MCF2L: variants seen among roughly 807,000 people sequenced by gnomAD.
MCF2L encodes the protein guanine nucleotide exchange factor DBS.
MCF2L carries 97 observed loss-of-function variants against 153.4 expected under a neutral mutation model. The ratio of observed to expected loss-of-function variants is 0.63; its 90% CI spans 0.54 to 0.75. The LOEUF (loss-of-function observed/expected upper bound fraction) is 0.75. Among genes scored for constraint, MCF2L ranks in the 30% least tolerant of loss-of-function variants. The pLI is 0.00. For synonymous variants in MCF2L, 659 were observed against 632.2 expected, an observed-to-expected ratio of 1.04 and a Z score of -0.64; for missense variants, 1,347 against 1,495.2, an observed-to-expected ratio of 0.90 and a Z score of 1.64.
chr13:113,063,732 G>A (rs1377245745), intron 5 of MCF2L: 9 of 414,784 alleles, frequency 2.2e-5, no homozygotes, highest in African/African-American at 6.1e-5. Flanking sequence ...CAGAGGTGCC[G>A]GGGCCACTGT....
intron 8 of MCF2L, 110 bp from the exon 9 acceptor site, chr13:113,069,949 G>T (rs2032716399): frequency 1.0e-5 from 7 of 668,936 alleles, no homozygotes; most frequent in Middle Eastern, 5.6e-4. Flanking sequence ...CAGGATCTCA[G>T]GAAGGCCCGG....
intron 2 of MCF2L, among the ~76,000 whole-genome samples, chr13:113,022,259 G>A (rs1001956834): frequency 3.3e-5 from 5 of 151,328 alleles, no homozygotes; most frequent in Admixed American, 6.6e-5. Context: ...TGTGTCCACC[G>A]TCCACTCCAA....
rs992449795 is a variant in MCF2L at position 112,993,026 on chromosome 13, A to G, written c.80-21737A>G. Among the ~76,000 whole-genome samples, 1 of 152,246 alleles carries G rather than the reference A, an allele frequency of 6.6e-6. No homozygotes were observed. Among genetic ancestry groups the G allele is most frequent in the African/African-American group, 2.4e-5 (1 of 41,468 alleles). ...GTGCGCGGGCATCAGGCAGGAGTCC[A>G]TGGGCCATGGGGGTGAGGAGAGAGC... On this transcript the variant is annotated intron_variant, in intron 1 of 29. Transcript: ENST00000535094. The surrounding 1 kb of genome is among the most constrained non-coding windows in gnomAD (Gnocchi z 4.6).
upstream of MCF2L, chr13:112,965,342 T>C (rs1005169291): frequency 6.6e-6 from 1 of 152,262 alleles, no homozygotes; most frequent in Non-Finnish European, 1.5e-5. Context: ...AGGTGCCATG[T>C]CACCTCCGCT....
At chr13:112,913,301 T>A (rs1015735725) in intron 2 of MCF2L, among the ~76,000 whole-genome samples, 1 of 152,054 alleles carries the variant, frequency 6.6e-6, no homozygotes, top group African/African-American at 2.4e-5. Context: ...TGATTGTGTG[T>A]CTGTGTTTAT....
rs1475016902 is a variant in MCF2L, at chr13:113,046,875, A to G, written c.369+1514A>G. 3.2e-6 allele frequency: 1 copy of G among 307,848 alleles called. No homozygotes were observed. The highest frequency in any genetic ancestry group is 9.9e-5 in the East Asian group (1 of 10,122). 19.1% of individuals were successfully genotyped at this position (307,848 alleles called of 1,614,324 possible). A position where few individuals can be genotyped will look rare whatever the true frequency, so the allele number is the denominator to read the frequency against. ...ATAGAATCGGTCTTCCTTTGTTTTA[A>G]CAGTGCGTTCGTTTGCTTTTGCGTC... On this transcript the variant is annotated intron_variant, in intron 4 of 29. Transcript: ENST00000535094. The surrounding 1 kb of genome is among the most constrained non-coding windows in gnomAD (Gnocchi z 4.4).
At chr13:113,011,972 CTG>C in intron 1 of MCF2L, among the ~76,000 whole-genome samples, 2 of 95,218 alleles carry the variant, frequency 2.1e-5, no homozygotes, top group African/African-American at 7.5e-5. Flanking sequence ...GGTGGACAGG[CTG>C]GGTGGATGGT....
At chr13:113,039,514 T>G (rs936803880) in intron 3 of MCF2L, among the ~76,000 whole-genome samples, 1 of 152,108 alleles carries the variant, frequency 6.6e-6, no homozygotes, top group Non-Finnish European at 1.5e-5. Flanking sequence ...AAATGAACCA[T>G]GAAGAGATCG....
intron 2 of MCF2L, among the ~76,000 whole-genome samples, chr13:112,940,491 T>G (rs1594358786): frequency 6.6e-6 from 1 of 152,232 alleles, no homozygotes; most frequent in African/African-American, 2.4e-5. Flanking sequence ...CTGCCGGCTG[T>G]GTACCGCCTG....
intron 4 of MCF2L, among the ~76,000 whole-genome samples, chr13:113,055,166 C>T (rs571093915): frequency 6.6e-6 from 1 of 152,210 alleles, no homozygotes; most frequent in East Asian, 1.9e-4. Context: ...ATCGTTAGCA[C>T]CTTCTCACTC....
In MCF2L at chr13:112,994,378, G is replaced by A. The variant is rs1024325803; in HGVS notation, c.80-20385G>A. On this transcript the variant is annotated intron_variant, in intron 1 of 29. Transcript: ENST00000535094. ...TGTGGCTGCCAATGGGGCAAGGTGC[G>A]TGGGACGTCAAGCTGACGTCACTGT... Among the ~76,000 whole-genome samples, 5 of 152,040 alleles carry A rather than the reference G, an allele frequency of 3.3e-5. No homozygotes were observed. The East Asian group carries it at 9.7e-4, about 30-fold the overall frequency.
intron 2 of MCF2L, among the ~76,000 whole-genome samples, chr13:112,928,280 GA>G (rs1285900925): frequency 7.2e-5 from 11 of 152,322 alleles, no homozygotes; most frequent in East Asian, 1.9e-4. Flanking sequence ...GCACTCGTTT[GA>G]AATTTCTATG....
At chr13:112,968,115 TC>T (rs1594399872), upstream of MCF2L, 1,899 of 189,088 alleles carry the variant, frequency 0.01, no homozygotes, top group South Asian at 0.025. Flanking sequence ...TCTCTCTCTC[TC>T]TCTTTTAACT....
chr13:113,078,410 C>T lies in MCF2L; in HGVS notation c.1708C>T (p.Arg570Trp), dbSNP rs1458583423. The change falls in exon 14 of 30, where the codon CGG (arginine) becomes TGG (tryptophan). Residue 570 changes from arginine (R) to tryptophan (W), a missense_variant. This residue lies in a region of MCF2L where 820 missense variants were observed against 921.2 expected (regional missense o/e 0.89). Coordinates refer to ENST00000535094, the MANE Select transcript of MCF2L (RefSeq NM_001112732.3). ...CTCCAGCTCCGAGGGCGGTGCGCTC[C>T]GGAGAGGGCCCTACCGGAGGGCCAA... ...ENSSSEGGAL[R>W]RGPYRRAKSE... The T allele has an allele frequency of 2.5e-6, 4 of 1,612,668 alleles. No homozygotes were observed. The highest frequency in any genetic ancestry group is 4.5e-5 in the East Asian group (2 of 44,874).
At chr13:113,086,826 G>T (rs1244227024) in intron 21 of MCF2L, among the ~76,000 whole-genome samples, 1 of 152,106 alleles carries the variant, frequency 6.6e-6, no homozygotes, top group East Asian at 1.9e-4. Context: ...AGGCCCTGAG[G>T]CTTCCCCTAG....
chr13:113,050,117 C>T (rs2087114164), intron 4 of MCF2L, among the ~76,000 whole-genome samples: 1 of 152,156 alleles, frequency 6.6e-6, no homozygotes, highest in Admixed American at 6.5e-5. Flanking sequence ...AATGCTGTTG[C>T]AACATCTAAC....
chr13:113,095,647 C>T (rs774216597), intron 27 of MCF2L: 3 of 993,274 alleles, frequency 3.0e-6, no homozygotes, highest in African/African-American at 3.5e-5. Flanking sequence ...CACCGTCCTC[C>T]TGCTCCAGGC....
At chr13:113,020,864 GTA>G (rs939281027) in intron 2 of MCF2L, among the ~76,000 whole-genome samples, 1 of 146,430 alleles carries the variant, frequency 6.8e-6, no homozygotes, top group Admixed American at 6.8e-5. Flanking sequence ...TGTGTAGTGT[GTA>G]TATGTGTGTA....
intron 2 of MCF2L, among the ~76,000 whole-genome samples, chr13:112,922,705 C>T (rs1390950892): frequency 1.3e-5 from 2 of 152,122 alleles, no homozygotes; most frequent in Non-Finnish European, 2.9e-5. Context: ...CGTGGTGGCA[C>T]GTGCCTGTAG....
Sources: gnomAD v4.1 joint callset for allele counts (sites outside exome capture counted in the v4.1 genomes callset) on GRCh38, gnomAD v4.1.1 for gene constraint, gnomAD v4.1.1 regional missense constraint, Gnocchi (gnomAD v3.1) non-coding constraint, MANE v1.5 for transcripts, NCBI Gene and HGNC (gene_info 2026-07-23, HGNC 2026-07-21) for gene names.